Variants in MLXIPL observed in about 807,000 individuals in gnomAD.
MLXIPL encodes the protein carbohydrate-responsive element-binding protein.
Under a neutral mutation model 81.5 loss-of-function variants are expected in MLXIPL, and 49 were observed. The observed-to-expected ratio is 0.60, with a 90% CI of 0.48 to 0.76. The LOEUF (loss-of-function observed/expected upper bound fraction) is 0.76. Among genes scored for constraint, MLXIPL ranks in the 30% least tolerant of loss-of-function variants. The probability of loss-of-function intolerance (pLI) is 0.00; values close to 1 mark genes in which losing one functional copy is unlikely to be tolerated. For synonymous variants in MLXIPL, 466 were observed against 485.5 expected (o/e 0.96, Z 0.53); for missense variants, 1,053 against 1,167.0 (o/e 0.90, Z 1.42).
chr7:73,641,641 GT>G, the MLXIPL span, among the ~76,000 whole-genome samples: 1 of 151,270 alleles, frequency 6.6e-6, no homozygotes, highest in Non-Finnish European at 1.5e-5. Flanking sequence ...ACTTTTTTTT[GT>G]TTTTGAGATG....
chr7:73,636,931 A>T, the MLXIPL span, among the ~76,000 whole-genome samples: 1 of 151,896 alleles, frequency 6.6e-6, no homozygotes, highest in Non-Finnish European at 1.5e-5. Flanking sequence ...ATGGTGGCGG[A>T]TGCCTGTAAT....
upstream of MLXIPL, among the ~76,000 whole-genome samples, chr7:73,628,669 G>A (rs781869243): frequency 1.3e-5 from 2 of 152,170 alleles, no homozygotes; most frequent in African/African-American, 4.8e-5. Context: ...GACCACAGGC[G>A]CCGCACCCCC....
At chr7:73,636,858 G>A in the MLXIPL span, among the ~76,000 whole-genome samples, 8 of 151,878 alleles carry the variant, frequency 5.3e-5, no homozygotes, top group South Asian at 2.1e-4. Context: ...TCAGGAGTTC[G>A]AGCCCAGCCT....
chr7:73,613,324 C>T (rs1421360143), intron 2 of MLXIPL, among the ~76,000 whole-genome samples: 1 of 152,140 alleles, frequency 6.6e-6, no homozygotes, highest in African/African-American at 2.4e-5. Flanking sequence ...ATTGGCCGGG[C>T]GCGGTGGCTC....
At chr7:73,606,188 C>G (rs1795269420) in intron 5 of MLXIPL, 77 bp from the exon 6 acceptor site, 1 of 1,444,940 alleles carries the variant, frequency 6.9e-7, no homozygotes, top group Non-Finnish European at 9.5e-7. Context: ...TCTCCAGGGT[C>G]AAGTGGTCAG....
intron 3 of MLXIPL, 33 bp from the exon 4 acceptor site, chr7:73,607,453 G>C (rs2463302): frequency 1.3e-6 from 2 of 1,534,122 alleles, no homozygotes; most frequent in Non-Finnish European, 1.8e-6. Context: ...GGGATCAGTA[G>C]AGAGGGGAGC....
chr7:73,604,215 CAAAAAAAAAAAA>C (rs55693159), intron 7 of MLXIPL, among the ~76,000 whole-genome samples: 4 of 50,000 alleles, frequency 8.0e-5, no homozygotes, highest in African/African-American at 3.5e-4. Context: ...GACTCCGTCT[CAAAAAAAAAAAA>C]AAAAAAAAAA....
intron 1 of MLXIPL, among the ~76,000 whole-genome samples, chr7:73,621,323 G>A (rs1277771684): frequency 6.6e-6 from 1 of 151,516 alleles, no homozygotes; most frequent in Non-Finnish European, 1.5e-5. Flanking sequence ...CGGAGCCATG[G>A]AAGACGGCCT....
chr7:73,624,181 GGCCCGGAACC>G lies in MLXIPL; in HGVS notation c.293+9_293+18del, dbSNP rs1796569252. ...CCCACCTGGAAGCCAAGGCCGTCAG[GGCCCGGAACC>G]GCCCTCACCTGTAGGCCAGGCTCAA... On this transcript the variant is annotated intron_variant, in intron 1 of 16. Coordinates refer to ENST00000313375, the MANE Select transcript of MLXIPL (RefSeq NM_032951.3). The G allele has an allele frequency of 6.4e-7, 1 of 1,554,798 alleles. No individual in the cohort carries two copies. Among genetic ancestry groups the G allele is most frequent in the African/African-American group, 1.4e-5 (1 of 72,602 alleles).
chr7:73,594,536 T>G, intron 15 of MLXIPL, 133 bp from the exon 16 acceptor site: 1 of 1,118,084 alleles, frequency 8.9e-7, no homozygotes, highest in South Asian at 1.4e-5. Flanking sequence ...TGACTCATGT[T>G]GCAGCCCCTA....
chr7:73,638,026 C>A, the MLXIPL span, among the ~76,000 whole-genome samples: 1 of 152,124 alleles, frequency 6.6e-6, no homozygotes, highest in Non-Finnish European at 1.5e-5. Flanking sequence ...TTTGGCCTCC[C>A]CCATTAACCA....
intron 2 of MLXIPL, chr7:73,611,151 C>T (rs1554599657): frequency 6.6e-6 from 1 of 152,152 alleles, no homozygotes; most frequent in East Asian, 1.9e-4. Context: ...ACAGGGAAGC[C>T]CCTCTTACCT....
rs782820517 is a variant in MLXIPL, at chr7:73,607,660, C to G, written c.413G>C (p.Arg138Thr). The change falls in exon 3 of 17, where the codon AGG (arginine) becomes ACG (threonine). Residue 138 changes from arginine to threonine, a missense_variant. Coordinates refer to ENST00000313375, the MANE Select transcript of MLXIPL (RefSeq NM_032951.3). ...RAWYIQYVKRRKSPVCGFVTP... is the reference protein window; with the variant it reads ...RAWYIQYVKRTKSPVCGFVTP... ...CACGAAGCCACACACGGGGCTCTTC[C>G]TCCGCTTCACATCTGAGAGAAGGGG... 6.2e-7 allele frequency: 1 copy of G among 1,613,378 alleles called. No homozygotes were observed. The highest frequency in any genetic ancestry group is 2.2e-5 in the East Asian group (1 of 44,852).
chr7:73,599,383 C>G, intron 8 of MLXIPL, 143 bp downstream of exon 8: 1 of 1,058,954 alleles, frequency 9.4e-7, no homozygotes, highest in Non-Finnish European at 1.4e-6. Context: ...TCCCAGAGGG[C>G]AGAGATGGGG....
intron 1 of MLXIPL, among the ~76,000 whole-genome samples, chr7:73,622,382 A>G (rs962029123): frequency 6.6e-6 from 1 of 151,792 alleles, no homozygotes; most frequent in African/African-American, 2.4e-5. Context: ...CCAGCTACTC[A>G]GGAGGCTGAG....
intron 1 of MLXIPL, among the ~76,000 whole-genome samples, chr7:73,622,249 G>C (rs998591523): frequency 1.3e-5 from 2 of 151,882 alleles, no homozygotes; most frequent in African/African-American, 4.8e-5. Flanking sequence ...CCAGCACTTG[G>C]GGAGGCCAAG....
the MLXIPL span, among the ~76,000 whole-genome samples, chr7:73,635,432 C>T: frequency 5.3e-5 from 8 of 152,092 alleles, no homozygotes; most frequent in Non-Finnish European, 1.2e-4. Flanking sequence ...AATAGTCAGT[C>T]TACCCACCCA....
rs1554602980 is a variant in MLXIPL, at chr7:73,624,203, T to C, written c.290A>G (p.Tyr97Cys). The C allele has an allele frequency of 7.0e-7, 1 of 1,434,086 alleles. No homozygotes were observed. The highest frequency in any genetic ancestry group is 1.2e-5 in the South Asian group (1 of 85,692). The allele number at this position is 1,434,086 out of a possible 1,614,324, so 88.8% of individuals were successfully genotyped here. A position where few individuals can be genotyped will look rare whatever the true frequency, so the allele number is the denominator to read the frequency against. ...TRLFECLSLA[Y>C]SGKLVSPKWK... ...CAGGGCCCGGAACCGCCCTCACCTG[T>C]AGGCCAGGCTCAAGCACTCGAAGAG... The change falls in exon 1 of 17, where the codon TAC (tyrosine) becomes TGC (cysteine). Residue 97 changes from tyrosine (Y) to cysteine (C), a missense_variant. Tyr to Cys is a radical substitution (Grantham distance 194, BLOSUM62 -2). This residue lies in a region of MLXIPL where 226 missense variants were observed against 216.2 expected (regional missense o/e 1.05). Coordinates refer to ENST00000313375, the MANE Select transcript of MLXIPL (RefSeq NM_032951.3).
chr7:73,629,974 T>TTTTATTTATTTATTTA, the MLXIPL span, among the ~76,000 whole-genome samples: 4 of 143,606 alleles, frequency 2.8e-5, no homozygotes, highest in African/African-American at 7.7e-5. Context: ...TTTTTATTAT[T>TTTTATTTATTTATTTA]TTTATTTATT....
Sources: allele counts gnomAD v4.1 joint callset (sites outside exome capture counted in the v4.1 genomes callset), GRCh38; gene constraint gnomAD v4.1.1; regional missense constraint gnomAD v4.1.1; transcripts MANE v1.5; gene names NCBI Gene and HGNC (gene_info 2026-07-23, HGNC 2026-07-21).